SPTAN1: variants seen among roughly 807,000 people sequenced by gnomAD.
The protein encoded by SPTAN1 is spectrin alpha, non-erythrocytic 1, also known as spectrin alpha chain, non-erythrocytic 1.
A neutral mutation model predicts 331.3 loss-of-function variants in SPTAN1; 61 were observed. The ratio of observed to expected loss-of-function variants is 0.18; its 90% CI spans 0.15 to 0.23. The LOEUF (loss-of-function observed/expected upper bound fraction) is 0.23, where lower values mean the gene tolerates loss of function less well. SPTAN1 is among the 10% of genes least tolerant of loss of function. The probability of loss-of-function intolerance (pLI) is 1.00; values close to 1 mark genes in which losing one functional copy is unlikely to be tolerated. For synonymous variants in SPTAN1, 1,153 were observed against 1,173.9 expected, an observed-to-expected ratio of 0.98 and a Z score of 0.36; for missense variants, 2,043 against 3,147.9, an observed-to-expected ratio of 0.65 and a Z score of 8.40.
chr9:128,631,180 G>C, intron 52 of SPTAN1, among the ~76,000 whole-genome samples: 1 of 152,134 alleles, frequency 6.6e-6, no homozygotes. Flanking sequence ...CTTTGGGGCT[G>C]GGTGTGGTGA....
intron 9 of SPTAN1, among the ~76,000 whole-genome samples, 189 bp from the exon 10 acceptor site, chr9:128,579,448 A>C (rs1851686930): frequency 6.6e-6 from 1 of 152,252 alleles, no homozygotes. Flanking sequence ...GGATTTCATC[A>C]GTGAGTGATA....
At chr9:128,594,433 T>TTC in intron 24 of SPTAN1, 60 bp downstream of exon 24, 1 of 1,407,414 alleles carries the variant, frequency 7.1e-7, no homozygotes, top group Admixed American at 2.1e-5. Flanking sequence ...CTCTTGATTT[T>TTC]TTTTTTTTTT....
rs1191771484 is a variant in SPTAN1 at position 128,583,191 on chromosome 9, G to A, written c.1921G>A (p.Val641Ile). The A allele has an allele frequency of 6.2e-7, 1 of 1,613,996 alleles. No individual in the cohort carries two copies. Among genetic ancestry groups the A allele is most frequent in the Non-Finnish European group, 8.5e-7 (1 of 1,180,036 alleles). ...GAAAGCTGGCCAAAAGCTGATTGAT[G>A]TCAACCACTATGCCAAGGATGAAGT... ...LEKAGQKLID[V>I]NHYAKDEVAA... The change falls in exon 15 of 57, where the codon GTC (valine) becomes ATC (isoleucine). Residue 641 changes from valine (V) to isoleucine (I), a missense_variant. Physicochemically the swap from Val to Ile is conservative, Grantham distance 29. Around this residue, in one of 12 missense-constraint regions of SPTAN1, gnomAD observed 1,038 missense variants for 1,531.5 expected, o/e 0.68. Transcript: ENST00000372739.
chr9:128,594,258 C>T lies in SPTAN1; in HGVS notation c.3299C>T (p.Ala1100Val), dbSNP rs567000546. The T allele has an allele frequency of 4.3e-6, 7 of 1,613,950 alleles. No individual in the cohort carries two copies. Among genetic ancestry groups the T allele is most frequent in the South Asian group, 3.3e-5 (3 of 91,076 alleles). ...AAGAAGTTTATGTTGTTCCGTGAAG[C>T]GAATGAACTACAGCAATGGATCAAT... ...SCKKFMLFRE[A>V]NELQQWINEK... The change falls in exon 24 of 57, where the codon GCG (alanine) becomes GTG (valine). Residue 1100 changes from alanine (A) to valine (V), a missense_variant. Around this residue, in one of 12 missense-constraint regions of SPTAN1, gnomAD observed 1,038 missense variants for 1,531.5 expected, o/e 0.68. Transcript: ENST00000372739.
intron 18 of SPTAN1, among the ~76,000 whole-genome samples, chr9:128,585,227 C>T (rs1852437096): frequency 6.6e-6 from 1 of 151,956 alleles, no homozygotes; most frequent in Non-Finnish European, 1.5e-5. Context: ...CAGGGTTTCA[C>T]CATATTGGTC....
At chr9:128,554,230 A>G (rs994957533) in intron 1 of SPTAN1, among the ~76,000 whole-genome samples, 2 of 152,184 alleles carry the variant, frequency 1.3e-5, no homozygotes, top group African/African-American at 4.8e-5. Flanking sequence ...GAGACTGGAA[A>G]GGAGGATTTT....
At chr9:128,607,773 C>T in intron 32 of SPTAN1, 70 bp downstream of exon 32, 8 of 1,611,282 alleles carry the variant, frequency 5.0e-6, no homozygotes, top group Non-Finnish European at 6.8e-6. Context: ...CTCATTCCCA[C>T]CCTTTGTGGT....
chr9:128,615,141 C>A (rs1224098747), intron 40 of SPTAN1, among the ~76,000 whole-genome samples: 1 of 152,120 alleles, frequency 6.6e-6, no homozygotes, highest in Non-Finnish European at 1.5e-5. Context: ...TGTCAGTATT[C>A]TTTGAAGTGA....
intron 21 of SPTAN1, among the ~76,000 whole-genome samples, chr9:128,590,731 G>C (rs1407052411): frequency 6.6e-6 from 1 of 151,876 alleles, no homozygotes; most frequent in African/African-American, 2.4e-5. Context: ...TGCACCTGTA[G>C]TCCCAGCTAC....
At chr9:128,568,996 T>G in intron 3 of SPTAN1, 99 bp downstream of exon 3, 1 of 1,534,526 alleles carries the variant, frequency 6.5e-7, no homozygotes, top group Non-Finnish European at 9.0e-7. Context: ...AGATAGACTT[T>G]TCCAGCTTTT....
rs1191417693 is a variant in SPTAN1, at chr9:128,633,203, C to T, written c.7309-6C>T. 30 of 1,613,972 alleles carry T rather than the reference C, an allele frequency of 1.9e-5. No individual in the cohort carries two copies. The highest frequency in any genetic ancestry group is 2.5e-5 in the Non-Finnish European group (30 of 1,180,006). On this transcript the variant is annotated splice_polypyrimidine_tract_variant and splice_region_variant and intron_variant, in intron 56 of 56. Transcript: ENST00000372739. ...CAGGCACCAGGTGCCATCTCTTACC[C>T]CACAGAACCTGACCCGGGAACAAGC...
At chr9:128,580,393 C>G (rs7019666) in intron 10 of SPTAN1, among the ~76,000 whole-genome samples, 147,099 of 151,356 alleles carry the variant, frequency 0.97, 71,632 homozygotes, top group East Asian at 1. Flanking sequence ...GAAGTATCTT[C>G]GAGTATAAAA....
chr9:128,570,567 A>T (rs377664159), intron 3 of SPTAN1, among the ~76,000 whole-genome samples: 1 of 151,684 alleles, frequency 6.6e-6, no homozygotes, highest in East Asian at 1.9e-4. Flanking sequence ...TGAACTTCTG[A>T]CCTCAGGTGA....
At chr9:128,566,543 T>TG (rs1850061093) in intron 1 of SPTAN1, among the ~76,000 whole-genome samples, 195 bp from the exon 2 acceptor site, 1 of 152,198 alleles carries the variant, frequency 6.6e-6, no homozygotes, top group Non-Finnish European at 1.5e-5. Context: ...AGGTAGGTGT[T>TG]GCAGGGGAAT....
In SPTAN1 at chr9:128,583,062, T is replaced by G. The variant is rs1416846037; in HGVS notation, c.1807-15T>G. 6.2e-6 allele frequency: 10 copies of G among 1,613,700 alleles called. No individual in the cohort carries two copies. Among genetic ancestry groups the G allele is most frequent in the Non-Finnish European group, 8.5e-6 (10 of 1,179,918 alleles). On this transcript the variant is annotated splice_polypyrimidine_tract_variant and intron_variant, in intron 14 of 56. Transcript: ENST00000372739. The stretch of plus-strand genomic sequence containing the variant: ...CAGGTTCAAGATAGAAAGAACCCCC[T>G]TCTTTTATTCACAGGATCCATCCAA...
chr9:128,630,477 A>ATT (rs1859526871), intron 52 of SPTAN1, 102 bp downstream of exon 52: 1 of 1,150,654 alleles, frequency 8.7e-7, no homozygotes, highest in Non-Finnish European at 1.3e-6. Flanking sequence ...CAGATGTGCT[A>ATT]TTATTGTACC....
intron 23 of SPTAN1, 195 bp from the exon 24 acceptor site, chr9:128,593,980 G>A (rs1564250325): frequency 6.3e-6 from 4 of 639,756 alleles, no homozygotes; most frequent in South Asian, 3.3e-5. Flanking sequence ...TACAGTGTGC[G>A]CATATCTCTC....
chr9:128,578,176 C>G lies in SPTAN1; in HGVS notation c.1152C>G (p.Ile384Met). The G allele has an allele frequency of 6.2e-7, 1 of 1,614,176 alleles. No homozygotes were observed. Among genetic ancestry groups the G allele is most frequent in the Non-Finnish European group, 8.5e-7 (1 of 1,180,028 alleles). ...TSWVTEMKAL[I>M]NADELASDVA... Reference sequence around the variant, plus strand: ...GGGTGACTGAGATGAAAGCCCTCATCAATGCAGATGAGCTTGCCAGTGATG... The same window carrying G: ...GGGTGACTGAGATGAAAGCCCTCATGAATGCAGATGAGCTTGCCAGTGATG... Residue 384 changes from isoleucine (I) to methionine (M), a missense_variant, in exon 9 of 57, where the codon ATC becomes ATG. Coordinates refer to ENST00000372739, the MANE Select transcript of SPTAN1 (RefSeq NM_001130438.3).
chr9:128,599,501 TTTTG>T (rs375352590), intron 26 of SPTAN1: 23 of 175,170 alleles, frequency 1.3e-4, no homozygotes, highest in East Asian at 3.1e-4. Flanking sequence ...TTTTTCGGTC[TTTTG>T]TTTGTTTGTT....
Sources: gnomAD v4.1 joint callset for allele counts (sites outside exome capture counted in the v4.1 genomes callset) on GRCh38, gnomAD v4.1.1 for gene constraint, gnomAD v4.1.1 regional missense constraint, MANE v1.5 for transcripts, NCBI Gene and HGNC (gene_info 2026-07-23, HGNC 2026-07-21) for gene names.